The following THRB variants were observed in gnomAD, a reference collection of about 807,000 sequenced individuals.
The protein encoded by THRB is nuclear receptor subfamily 1 group A member 2.
Under a neutral mutation model 47.8 loss-of-function variants are expected in THRB, and 12 were observed. The observed-to-expected ratio is 0.25, with a 90% CI of 0.16 to 0.41. The LOEUF is 0.41. Ranked by LOEUF, THRB falls within the 10% of genes least tolerant of loss-of-function variation. The probability of loss-of-function intolerance (pLI) is 1.00; values close to 1 mark genes in which losing one functional copy is unlikely to be tolerated. For missense variants in THRB, 348 were observed against 589.2 expected, an observed-to-expected ratio of 0.59 and a Z score of 4.24; for synonymous variants, 218 against 212.2, an observed-to-expected ratio of 1.03 and a Z score of -0.24.
intron 1 of THRB, among the ~76,000 whole-genome samples, chr3:24,349,561 T>C (rs182604610): frequency 3.3e-5 from 5 of 152,254 alleles, no homozygotes; most frequent in Admixed American, 3.3e-4. Context: ...ATACCATCAT[T>C]AATCATTAAA....
intron 3 of THRB, among the ~76,000 whole-genome samples, chr3:24,261,552 T>G (rs956401375): frequency 6.6e-6 from 1 of 151,592 alleles, no homozygotes; most frequent in African/African-American, 2.4e-5. Flanking sequence ...ACTATACTCT[T>G]CAGCTTCCAC....
In THRB at chr3:24,152,466, T is replaced by A; in HGVS notation, c.308A>T (p.Lys103Met). The change falls in exon 6 of 11, where the codon AAG becomes ATG. Residue 103 changes from lysine to methionine, a missense_variant. Transcript: ENST00000646209. ...ACCACACACTACACAGAGCTCGTCC[T>A]TGTCTAAGTAACTGGGGATGTACCC... is the stretch of plus-strand genomic sequence containing the variant. Reference protein sequence around the residue: ...CKGYIPSYLDKDELCVVCGDK... With the variant: ...CKGYIPSYLDMDELCVVCGDK... 6.2e-7 allele frequency: 1 copy of A among 1,604,054 alleles called. No homozygotes were observed. The highest frequency in any genetic ancestry group is 2.2e-5 in the East Asian group (1 of 44,832).
At chr3:24,203,122 T>C (rs547593382) in intron 4 of THRB, among the ~76,000 whole-genome samples, 115 of 152,182 alleles carry the variant, frequency 7.6e-4, no homozygotes, top group Non-Finnish European at 1.5e-3. Flanking sequence ...CATTTTTCTT[T>C]AGAAGCCCAG....
intron 5 of THRB, among the ~76,000 whole-genome samples, chr3:24,188,286 A>G (rs773265160): frequency 6.6e-6 from 1 of 152,214 alleles, no homozygotes; most frequent in Non-Finnish European, 1.5e-5. Flanking sequence ...AGAGAGCACT[A>G]TAAGTCAGGT....
chr3:24,356,988 TA>T (rs1452765959), intron 1 of THRB, among the ~76,000 whole-genome samples: 1 of 151,310 alleles, frequency 6.6e-6, no homozygotes, highest in African/African-American at 2.4e-5. Flanking sequence ...TCTTTGGCAA[TA>T]TATACAGACT....
intron 5 of THRB, among the ~76,000 whole-genome samples, chr3:24,159,169 C>T (rs187276113): frequency 5.3e-5 from 8 of 152,290 alleles, no homozygotes; most frequent in Middle Eastern, 3.4e-3. Flanking sequence ...AAGGTTATAG[C>T]TCTAAAAATG....
intron 8 of THRB, among the ~76,000 whole-genome samples, chr3:24,138,637 G>A (rs1156804087): frequency 6.6e-6 from 1 of 152,104 alleles, no homozygotes; most frequent in Non-Finnish European, 1.5e-5. Flanking sequence ...AGATTATCCT[G>A]CCTTCTTCTG....
intron 2 of THRB, among the ~76,000 whole-genome samples, chr3:24,301,110 C>G (rs2056907075): frequency 6.6e-6 from 1 of 152,116 alleles, no homozygotes; most frequent in South Asian, 2.1e-4. Context: ...TCAAGGAACA[C>G]CAGGAGCCAC....
intron 1 of THRB, among the ~76,000 whole-genome samples, chr3:24,445,281 A>G (rs1577621556): frequency 1.3e-5 from 2 of 152,070 alleles, no homozygotes; most frequent in African/African-American, 4.8e-5. Context: ...AAATAAAATA[A>G]TAAAGGATTA....
chr3:24,335,834 G>A (rs367756835), intron 2 of THRB, among the ~76,000 whole-genome samples: 2 of 152,218 alleles, frequency 1.3e-5, no homozygotes, highest in Non-Finnish European at 2.9e-5. Flanking sequence ...AAATTGAGGA[G>A]AATGCCTTGT....
At chr3:24,245,528 A>T (rs1317320906) in intron 3 of THRB, among the ~76,000 whole-genome samples, 3 of 152,098 alleles carry the variant, frequency 2.0e-5, no homozygotes, top group Non-Finnish European at 4.4e-5. Context: ...TAACAAAAAA[A>T]CCCAACTTTA....
At chr3:24,277,913 G>T (rs996278384) in intron 3 of THRB, among the ~76,000 whole-genome samples, 3 of 152,144 alleles carry the variant, frequency 2.0e-5, no homozygotes, top group Non-Finnish European at 2.9e-5. Flanking sequence ...CAATTAAGGG[G>T]TGACAACATT....
intron 1 of THRB, among the ~76,000 whole-genome samples, chr3:24,362,849 T>C (rs1376251611): frequency 6.6e-6 from 1 of 152,120 alleles, no homozygotes; most frequent in African/African-American, 2.4e-5. Flanking sequence ...GCCAAGGACA[T>C]CAAGACATGT....
At chr3:24,390,784 T>TAAAAAAAAA (rs33999392) in intron 1 of THRB, among the ~76,000 whole-genome samples, 22 of 138,212 alleles carry the variant, frequency 1.6e-4, no homozygotes, top group African/African-American at 5.7e-4. Flanking sequence ...CTTTACTTTG[T>TAAAAAAAAA]AAAAAAAAAA....
At chr3:24,176,846 G>A (rs980963839) in intron 5 of THRB, among the ~76,000 whole-genome samples, 4 of 152,140 alleles carry the variant, frequency 2.6e-5, no homozygotes, top group Admixed American at 6.6e-5. Flanking sequence ...TGATGGAAAT[G>A]TTCTAAAATA....
chr3:24,224,846 G>A (rs1310487612), intron 4 of THRB, among the ~76,000 whole-genome samples: 4 of 152,166 alleles, frequency 2.6e-5, no homozygotes, highest in Admixed American at 2.0e-4. Flanking sequence ...TATTAGATAA[G>A]GAATTCAAGA....
chr3:24,468,381 T>C lies in THRB; in HGVS notation c.-261+26271A>G, dbSNP rs190303831. Among the ~76,000 whole-genome samples, 28 of 152,324 alleles carry C rather than the reference T, an allele frequency of 1.8e-4. No individual in the cohort carries two copies. In the East Asian group the frequency reaches 4.2e-3, roughly 23 times the overall value. ...AAGAACTTTTCCTTTGCATGTACAA[T>C]TTGGCTGTTTGGCACAGGAGGCCTA... On this transcript the variant is annotated intron_variant, in intron 1 of 10. Transcript: ENST00000646209.
intron 2 of THRB, among the ~76,000 whole-genome samples, chr3:24,312,852 ACT>A (rs1487075473): frequency 6.6e-6 from 1 of 152,180 alleles, no homozygotes; most frequent in East Asian, 1.9e-4. Context: ...TGACTTCATC[ACT>A]CTGGCTTCTT....
chr3:24,157,923 T>A (rs1487694409), intron 5 of THRB, among the ~76,000 whole-genome samples: 2 of 152,196 alleles, frequency 1.3e-5, no homozygotes, highest in Non-Finnish European at 2.9e-5. Flanking sequence ...TCCCTGTACA[T>A]TCAGATCCTT....
Sources: allele counts gnomAD v4.1 joint callset (sites outside exome capture counted in the v4.1 genomes callset), GRCh38; gene constraint gnomAD v4.1.1; transcripts MANE v1.5; gene names NCBI Gene and HGNC (gene_info 2026-07-23, HGNC 2026-07-21).